The following FKBP9 variants were observed in gnomAD, a reference collection of about 807,000 sequenced individuals.
The protein encoded by FKBP9 is FKBP prolyl isomerase 9, also known as peptidyl-prolyl cis-trans isomerase FKBP9.
In FKBP9, 27 loss-of-function variants were observed where a neutral mutation model predicts 55.6. That is an observed-to-expected ratio of 0.49 (90% CI 0.36 to 0.67). FKBP9 has a LOEUF of 0.67. Among genes scored for constraint, FKBP9 ranks in the 30% least tolerant of loss-of-function variants. The pLI, the probability that FKBP9 is intolerant of heterozygous loss-of-function variation, is 0.00. For synonymous variants in FKBP9, 267 were observed against 296.5 expected (o/e 0.90, Z 1.02); for missense variants, 539 against 742.8 (o/e 0.73, Z 3.19).
At chr7:32,997,309 T>G (rs1261403241) in intron 7 of FKBP9, among the ~76,000 whole-genome samples, 1 of 152,128 alleles carries the variant, frequency 6.6e-6, no homozygotes, top group Non-Finnish European at 1.5e-5. Flanking sequence ...TGGGTTCAGG[T>G]GATCCTCCTG....
intron 1 of FKBP9, among the ~76,000 whole-genome samples, chr7:32,971,656 A>G (rs1267397901): frequency 6.6e-6 from 1 of 152,034 alleles, no homozygotes; most frequent in Admixed American, 6.6e-5. Context: ...AATTTTTTGT[A>G]TTTTTAGTAG....
In FKBP9 at chr7:33,002,712, A is replaced by T. The variant is rs987010012; in HGVS notation, c.1409A>T (p.Asp470Val). 6.2e-7 allele frequency: 1 copy of T among 1,614,016 alleles called. No individual in the cohort carries two copies. The highest frequency in any genetic ancestry group is 1.3e-5 in the African/African-American group (1 of 74,922). The change falls in exon 9 of 10, where the codon GAC becomes GTC. Residue 470 changes from aspartate (D) to valine (V), a missense_variant. Physicochemically the swap from Asp to Val is radical, Grantham distance 152 (BLOSUM62 -3). Transcript: ENST00000242209. Reference protein sequence around the residue: ...EVPGSAVLVFDIELLELVAGL... With the variant: ...EVPGSAVLVFVIELLELVAGL... The stretch of plus-strand genomic sequence containing the variant: ...CCCGGCAGTGCCGTATTAGTGTTTG[A>T]CATTGAGCTGCTGGAGCTGGTGGCT...
At chr7:32,996,606 T>TTTCCTTCCTTCCTTCC (rs201756956) in intron 7 of FKBP9, among the ~76,000 whole-genome samples, 2,587 of 110,380 alleles carry the variant, frequency 0.023, 119 homozygotes, top group African/African-American at 0.039. Flanking sequence ...AACTGCTATC[T>TTTCCTTCCTTCCTTCC]TTCCTTCCTT....
At chr7:32,960,099 T>C (rs1783989964) in intron 1 of FKBP9, among the ~76,000 whole-genome samples, 1 of 147,828 alleles carries the variant, frequency 6.8e-6, no homozygotes, top group Non-Finnish European at 1.5e-5. Flanking sequence ...CAACAACACT[T>C]GTACTTGTCT....
intron 1 of FKBP9, among the ~76,000 whole-genome samples, chr7:32,959,870 T>C (rs1282306642): frequency 2.6e-5 from 4 of 152,216 alleles, no homozygotes; most frequent in Admixed American, 6.5e-5. Flanking sequence ...TTATACTTTT[T>C]GGCTATCATG....
intron 5 of FKBP9, among the ~76,000 whole-genome samples, chr7:32,980,773 A>G (rs1784462063): frequency 6.6e-6 from 1 of 151,182 alleles, no homozygotes; most frequent in African/African-American, 2.4e-5. Flanking sequence ...TCTGTCATCC[A>G]GTGTGGAGTG....
intron 6 of FKBP9, chr7:32,995,220 C>T (rs12535327): frequency 0.16 from 24,385 of 152,200 alleles, 2,323 homozygotes; most frequent in Admixed American, 0.31. Flanking sequence ...CTCAGCCTCC[C>T]AGAGTTGAGA....
chr7:33,002,405 T>G (rs2127989471), intron 8 of FKBP9, among the ~76,000 whole-genome samples: 1 of 152,336 alleles, frequency 6.6e-6, no homozygotes, highest in South Asian at 2.1e-4. Context: ...AGTGCTGGAA[T>G]TATAGGCGTG....
chr7:32,995,504 A>G (rs565627474), intron 6 of FKBP9, among the ~76,000 whole-genome samples: 17 of 152,330 alleles, frequency 1.1e-4, no homozygotes, highest in African/African-American at 3.8e-4. Flanking sequence ...GGGAAAATGT[A>G]GGTGAAAAAT....
At chr7:32,983,109 C>T (rs1330928470) in intron 5 of FKBP9, among the ~76,000 whole-genome samples, 4 of 151,476 alleles carry the variant, frequency 2.6e-5, no homozygotes, top group Admixed American at 6.6e-5. Flanking sequence ...CTGCAACCTC[C>T]GTCTCGTGGG....
intron 1 of FKBP9, among the ~76,000 whole-genome samples, chr7:32,959,153 C>T (rs960339819): frequency 1.3e-5 from 2 of 151,904 alleles, no homozygotes; most frequent in African/African-American, 4.8e-5. Context: ...CGCCTGTAAT[C>T]CCAGCACTTT....
At chr7:32,988,867 T>C (rs1427132872) in intron 6 of FKBP9, 7 of 515,660 alleles carry the variant, frequency 1.4e-5, no homozygotes, top group Non-Finnish European at 2.4e-5. Flanking sequence ...TAGCTGGCAC[T>C]ACAGGCACGC....
intron 7 of FKBP9, among the ~76,000 whole-genome samples, chr7:32,997,402 G>C (rs1453046427): frequency 2.9e-5 from 4 of 135,600 alleles, no homozygotes; most frequent in African/African-American, 1.1e-4. Flanking sequence ...TTTTAGAGAT[G>C]GGGGGGGTCT....
intron 1 of FKBP9, among the ~76,000 whole-genome samples, chr7:32,966,993 C>T (rs573441527): frequency 1.4e-3 from 213 of 152,170 alleles, no homozygotes; most frequent in African/African-American, 4.7e-3. Context: ...ATGTTCAAAG[C>T]GAGGGAAGAG....
chr7:32,980,049 G>C (rs889004230), intron 4 of FKBP9, among the ~76,000 whole-genome samples: 16 of 152,220 alleles, frequency 1.1e-4, no homozygotes, highest in African/African-American at 3.9e-4. Context: ...ACAGAGGTAT[G>C]TATTTGGGTT....
At chr7:32,974,199 C>CG (rs67448965) in intron 1 of FKBP9, among the ~76,000 whole-genome samples, 79,577 of 147,660 alleles carry the variant, frequency 0.54, 21,720 homozygotes, top group African/African-American at 0.68. Flanking sequence ...TTAGTAGAGG[C>CG]GGGGGGGCCT....
chr7:32,997,520 C>G (rs1442561773), intron 7 of FKBP9, among the ~76,000 whole-genome samples: 1 of 152,230 alleles, frequency 6.6e-6, no homozygotes, highest in East Asian at 1.9e-4. Context: ...CCCAGCCGAA[C>G]TGCTTTCTTT....
At chr7:32,987,251 T>G (rs1784597517) in intron 5 of FKBP9, among the ~76,000 whole-genome samples, 1 of 152,134 alleles carries the variant, frequency 6.6e-6, no homozygotes, top group Non-Finnish European at 1.5e-5. Flanking sequence ...AATTCCACAC[T>G]TTCGGAGGCC....
At position 32,960,106 on chromosome 7, in the gene FKBP9, G is replaced by GTCT. The variant is rs1233779884; in HGVS notation, c.221+2314_221+2316dup. ...CACGGTCTCAACAACACTTGTACTTGTCTTTTTTTTTTTTTTTTTTTTTGA... is the reference window on the plus strand; with the variant it reads ...CACGGTCTCAACAACACTTGTACTTGTCTTCTTTTTTTTTTTTTTTTTTTTTGA... On this transcript the variant is annotated intron_variant, in intron 1 of 9. Transcript: ENST00000242209. Among the ~76,000 whole-genome samples, 66 of 96,572 alleles carry GTCT rather than the reference G, an allele frequency of 6.8e-4. 2 individuals carry two copies. The highest frequency in any genetic ancestry group is 2.9e-3 in the African/African-American group (64 of 21,870). The allele number at this position is 96,572 out of a possible 152,430, so 63.4% of individuals were successfully genotyped here.
Sources: gnomAD v4.1 joint callset for allele counts (sites outside exome capture counted in the v4.1 genomes callset) on GRCh38, gnomAD v4.1.1 for gene constraint, MANE v1.5 for transcripts, NCBI Gene and HGNC (gene_info 2026-07-23, HGNC 2026-07-21) for gene names.